The following TMEM92 variants were observed in gnomAD, a reference collection of about 807,000 sequenced individuals.
TMEM92 encodes the protein transmembrane protein 92.
In TMEM92, 15 loss-of-function variants were observed where a neutral mutation model predicts 14.6. The observed-to-expected ratio is 1.03, with a 90% CI of 0.69 to 1.58. The LOEUF is 1.58. TMEM92 is among the 40% of genes most tolerant of loss of function. The probability of loss-of-function intolerance (pLI) is 0.00; values close to 1 mark genes in which losing one functional copy is unlikely to be tolerated. For missense variants in TMEM92, 174 were observed against 202.4 expected, an observed-to-expected ratio of 0.86 and a Z score of 0.85; for synonymous variants, 85 against 83.3, an observed-to-expected ratio of 1.02 and a Z score of -0.11.
intron 1 of TMEM92, among the ~76,000 whole-genome samples, chr17:50,275,237 C>G (rs1910389802): frequency 6.6e-6 from 1 of 151,940 alleles, no homozygotes; most frequent in Non-Finnish European, 1.5e-5. Context: ...ATCCTGGGAA[C>G]AGAGACGGGT....
intron 4 of TMEM92, 21 bp downstream of exon 4, chr17:50,279,017 C>T (rs547810107): frequency 6.5e-7 from 1 of 1,544,188 alleles, no homozygotes; most frequent in African/African-American, 1.4e-5. Flanking sequence ...CATCCCCATC[C>T]CCACCTTGCC....
chr17:50,279,161 GC>G, intron 4 of TMEM92, 33 bp from the exon 5 acceptor site: 1 of 1,603,144 alleles, frequency 6.2e-7, no homozygotes, highest in Non-Finnish European at 8.5e-7. Context: ...CAGGGCCAGG[GC>G]CCAGAAGACT....
chr17:50,273,598 G>A (rs2143035196), upstream of TMEM92, among the ~76,000 whole-genome samples: 1 of 152,360 alleles, frequency 6.6e-6, no homozygotes, highest in East Asian at 1.9e-4. Context: ...GAGGGGAGGG[G>A]ACACGAAGGT....
At chr17:50,274,835 G>A (rs569119036) in intron 1 of TMEM92, 10 of 521,688 alleles carry the variant, frequency 1.9e-5, no homozygotes, top group African/African-American at 7.9e-5. Flanking sequence ...CACCTAGCAC[G>A]TCTCTGTGAA....
chr17:50,278,657 T>TG, intron 3 of TMEM92, 27 bp downstream of exon 3: 1 of 1,610,262 alleles, frequency 6.2e-7, no homozygotes, highest in Non-Finnish European at 8.5e-7. Flanking sequence ...CTCCTTTGGG[T>TG]GCAGTCCTTG....
At position 50,278,785 on chromosome 17, in the gene TMEM92, G is replaced by C. The variant is rs372171445; in HGVS notation, c.171-16G>C. ...GGCCTGGGGACTCAGGGTACTCTTG[G>C]TGGTCCCCACCCCAGGATCTTCGTC... On this transcript the variant is annotated splice_polypyrimidine_tract_variant and intron_variant, in intron 3 of 4. Coordinates refer to ENST00000507382, the MANE Select transcript of TMEM92 (RefSeq NM_153229.3). 15 of 1,600,086 alleles carry C rather than the reference G, an allele frequency of 9.4e-6. No homozygotes were observed. The highest frequency in any genetic ancestry group is 1.3e-5 in the Non-Finnish European group (15 of 1,174,030).
rs372171445 is a variant in TMEM92 at position 50,278,785 on chromosome 17, G to A, written c.171-16G>A. The A allele has an allele frequency of 6.2e-7, 1 of 1,600,206 alleles. No homozygotes were observed. The highest frequency in any genetic ancestry group is 8.5e-7 in the Non-Finnish European group (1 of 1,174,022). The stretch of plus-strand genomic sequence containing the variant: ...GGCCTGGGGACTCAGGGTACTCTTG[G>A]TGGTCCCCACCCCAGGATCTTCGTC... On this transcript the variant is annotated splice_polypyrimidine_tract_variant and intron_variant, in intron 3 of 4. Transcript: ENST00000507382.
rs753760861 is a variant in TMEM92, at chr17:50,278,673, G to A, written c.170+43G>A. 5.0e-6 allele frequency: 8 copies of A among 1,603,742 alleles called. No individual in the cohort carries two copies. In the South Asian group the frequency reaches 5.5e-5, roughly 11 times the overall value. On this transcript the variant is annotated intron_variant, in intron 3 of 4. Coordinates refer to ENST00000507382, the MANE Select transcript of TMEM92 (RefSeq NM_153229.3). ...TCCTTTGGGTGCAGTCCTTGGAGGG[G>A]CCTGGTCCTGTGTGGACAAGGCCAG...
chr17:50,279,720 G>A lies in TMEM92; in HGVS notation c.*412G>A, dbSNP rs961264406. 4.0e-6 allele frequency: 1 copy of A among 247,308 alleles called. No individual in the cohort carries two copies. Among genetic ancestry groups the A allele is most frequent in the African/African-American group, 2.4e-5 (1 of 42,028 alleles). The allele number at this position is 247,308 out of a possible 1,614,324, so 15.3% of individuals were successfully genotyped here. A position where few individuals can be genotyped will look rare whatever the true frequency, so the allele number is the denominator to read the frequency against. ...ATTGGACTGGATGAGCCCTGAGCCA[G>A]CTTCCACTCCTACCTGAATAGAGAA... On this transcript the variant is annotated 3_prime_UTR_variant, in exon 5 of 5. Coordinates refer to ENST00000507382, the MANE Select transcript of TMEM92 (RefSeq NM_153229.3).
At chr17:50,272,279 T>A (rs1910271613), upstream of TMEM92, among the ~76,000 whole-genome samples, 1 of 151,990 alleles carries the variant, frequency 6.6e-6, no homozygotes, top group Non-Finnish European at 1.5e-5. Flanking sequence ...AGTTCCCACA[T>A]GCCCTTCTCA....
rs900759576 is a variant in TMEM92, at chr17:50,280,793, T to C, written c.*1485T>C. 2.0e-5 allele frequency: 3 copies of C among 152,048 alleles called. No homozygotes were observed. The highest frequency in any genetic ancestry group is 2.9e-5 in the Non-Finnish European group (2 of 68,078). The allele number at this position is 152,048 out of a possible 1,614,324, so 9.4% of individuals were successfully genotyped here. ...GGACTGTCCGGGTGTGGGTTCCCAG[T>C]GAGATAGGGCCCTGGAAGGAGTGCA... On this transcript the variant is annotated 3_prime_UTR_variant, in exon 5 of 5. Coordinates refer to ENST00000507382, the MANE Select transcript of TMEM92 (RefSeq NM_153229.3).
chr17:50,277,942 C>T (rs375557329), intron 2 of TMEM92, among the ~76,000 whole-genome samples: 1 of 152,184 alleles, frequency 6.6e-6, no homozygotes, highest in Non-Finnish European at 1.5e-5. Context: ...GGGACTTCCA[C>T]ACTTGCAGGC....
At chr17:50,272,574 C>T (rs1027264830), upstream of TMEM92, among the ~76,000 whole-genome samples, 4 of 152,272 alleles carry the variant, frequency 2.6e-5, no homozygotes, top group Middle Eastern at 6.8e-3. Flanking sequence ...GGGGAGACGG[C>T]GGCCCCTTCC....
In TMEM92 at chr17:50,279,215, G is replaced by T. The variant is rs370051317; in HGVS notation, c.387G>T (p.Leu129=). The T allele has an allele frequency of 1.2e-6, 2 of 1,613,868 alleles. No homozygotes were observed. The highest frequency in any genetic ancestry group is 1.7e-6 in the Non-Finnish European group (2 of 1,179,956). The part of the protein sequence containing the change: ...PYSEVILKPS[L]GPTPTEPPPP... The stretch of plus-strand genomic sequence containing the variant: ...TGCAGGTGATTCTGAAGCCCAGCCT[G>T]GGCCCAACTCCCACAGAGCCACCCC... The change falls in exon 5 of 5, where the codon CTG becomes CTT. Residue 129 remains leucine, a synonymous_variant. Coordinates refer to ENST00000507382, the MANE Select transcript of TMEM92 (RefSeq NM_153229.3).
chr17:50,279,034 C>G (rs369433121), intron 4 of TMEM92, 38 bp downstream of exon 4: 1 of 1,490,116 alleles, frequency 6.7e-7, no homozygotes, highest in African/African-American at 1.4e-5. Flanking sequence ...TGCCTCTGGC[C>G]GGCTGTGCAG....
chr17:50,274,612 C>A, intron 1 of TMEM92, 42 bp downstream of exon 1: 1 of 1,571,454 alleles, frequency 6.4e-7, no homozygotes, highest in Non-Finnish European at 8.7e-7. Context: ...TGGGCCCTAC[C>A]CTTGTAGGTC....
Position 50,279,766 on chromosome 17 carries a change from C to T in TMEM92, c.*458C>T, listed in dbSNP as rs1338073584. 1.4e-5 allele frequency: 3 copies of T among 218,834 alleles called. No homozygotes were observed. Among genetic ancestry groups the T allele is most frequent in the South Asian group, 1.2e-4 (2 of 17,236 alleles). 13.6% of individuals were successfully genotyped at this position (218,834 alleles called of 1,614,324 possible). A position where few individuals can be genotyped will look rare whatever the true frequency, so the allele number is the denominator to read the frequency against. On this transcript the variant is annotated 3_prime_UTR_variant, in exon 5 of 5. Transcript: ENST00000507382. ...GAGAACTCACTGCACCCACCCACAA[C>T]ACATGATAAACACATGTCCTCACTG...
At chr17:50,275,609 G>A (rs1423465718) in intron 1 of TMEM92, among the ~76,000 whole-genome samples, 5 of 152,092 alleles carry the variant, frequency 3.3e-5, no homozygotes, top group African/African-American at 9.7e-5. Flanking sequence ...CCCCAGACAA[G>A]ACTACCCCCT....
At chr17:50,274,865 A>G (rs1257718317) in intron 1 of TMEM92, 4 of 445,194 alleles carry the variant, frequency 9.0e-6, no homozygotes, top group Non-Finnish European at 8.0e-6. Flanking sequence ...TGGACCCCTT[A>G]TTAGCCTCAG....
Sources: allele counts gnomAD v4.1 joint callset (sites outside exome capture counted in the v4.1 genomes callset), GRCh38; gene constraint gnomAD v4.1.1; transcripts MANE v1.5; gene names NCBI Gene and HGNC (gene_info 2026-07-23, HGNC 2026-07-21).